The following STARD13 variants were observed in gnomAD, a reference collection of about 807,000 sequenced individuals.
STARD13 encodes the protein stAR-related lipid transfer protein 13.
STARD13 carries 62 observed loss-of-function variants against 106.4 expected under a neutral mutation model. The observed-to-expected ratio is 0.58, with a 90% CI of 0.48 to 0.72. The LOEUF (loss-of-function observed/expected upper bound fraction) is 0.72, where lower values mean the gene tolerates loss of function less well. STARD13 is among the 30% of genes least tolerant of loss of function. The probability of loss-of-function intolerance (pLI) is 0.00; values close to 1 mark genes in which losing one functional copy is unlikely to be tolerated. For synonymous variants in STARD13, 565 were observed against 553.0 expected, an observed-to-expected ratio of 1.02 and a Z score of -0.31; for missense variants, 1,387 against 1,424.0, an observed-to-expected ratio of 0.97 and a Z score of 0.42.
At chr13:33,221,801 A>C (rs1888371178) in intron 1 of STARD13, among the ~76,000 whole-genome samples, 1 of 152,220 alleles carries the variant, frequency 6.6e-6, no homozygotes. Context: ...CCATCAGATG[A>C]ATGGATAAAA....
At chr13:33,220,447 C>T (rs1594124559) in intron 1 of STARD13, among the ~76,000 whole-genome samples, 2 of 152,142 alleles carry the variant, frequency 1.3e-5, no homozygotes, top group African/African-American at 4.8e-5. Flanking sequence ...AATCCCAGCA[C>T]TTTGGGAGGC....
In STARD13 at chr13:33,167,626, A is replaced by C. The variant is rs770122334; in HGVS notation, c.170-4T>G. The C allele has an allele frequency of 8.7e-6, 14 of 1,613,944 alleles. No individual in the cohort carries two copies. Among genetic ancestry groups the C allele is most frequent in the African/African-American group, 1.3e-5 (1 of 74,924 alleles). On this transcript the variant is annotated splice_region_variant and splice_polypyrimidine_tract_variant and intron_variant, in intron 1 of 13. Coordinates refer to ENST00000336934, the MANE Select transcript of STARD13 (RefSeq NM_178006.4). ...CATGCTTCTTTTGCCTCAATTTCTG[A>C]AAAACACAAGAGAGATAAAATTGTG...
chr13:33,118,886 C>G (rs886517352), intron 7 of STARD13, among the ~76,000 whole-genome samples: 5 of 152,186 alleles, frequency 3.3e-5, no homozygotes, highest in Non-Finnish European at 7.4e-5. Context: ...ATTCTTGGCA[C>G]TTACTTTTCT....
chr13:33,305,412 G>T (rs945044760), intron 1 of STARD13, among the ~76,000 whole-genome samples: 8 of 152,182 alleles, frequency 5.3e-5, no homozygotes, highest in Non-Finnish European at 8.8e-5. Flanking sequence ...GTCCTCCACG[G>T]TAACTAGCAG....
intron 4 of STARD13, among the ~76,000 whole-genome samples, chr13:33,134,445 C>T (rs984422933): frequency 1.3e-5 from 2 of 152,114 alleles, no homozygotes; most frequent in South Asian, 2.1e-4. Context: ...TCCTCTAAAG[C>T]GTGTGACTAA....
chr13:33,106,728 G>A (rs748690984), intron 13 of STARD13, 30 bp downstream of exon 13: 3 of 1,571,108 alleles, frequency 1.9e-6, no homozygotes, highest in Non-Finnish European at 2.6e-6. Flanking sequence ...CCCAAGATCT[G>A]AGCCTGCCAT....
the STARD13 span, among the ~76,000 whole-genome samples, chr13:33,502,684 C>T: frequency 3.3e-5 from 5 of 152,070 alleles, no homozygotes; most frequent in Non-Finnish European, 5.9e-5. Context: ...TGATGGATTA[C>T]GTTTATTGAT....
chr13:33,506,294 T>A, the STARD13 span, among the ~76,000 whole-genome samples: 1 of 152,198 alleles, frequency 6.6e-6, no homozygotes, highest in African/African-American at 2.4e-5. Context: ...GTACTTTTTT[T>A]GTGAAGGACC....
intron 1 of STARD13, among the ~76,000 whole-genome samples, chr13:33,223,603 G>A (rs562349484): frequency 9.2e-5 from 14 of 152,196 alleles, no homozygotes; most frequent in Non-Finnish European, 1.8e-4. Flanking sequence ...AGGTTGCAGT[G>A]AGCTGAGATT....
intron 1 of STARD13, chr13:33,278,632 AT>A (rs1891584268): frequency 6.6e-6 from 1 of 152,084 alleles, no homozygotes; most frequent in Non-Finnish European, 1.5e-5. Context: ...TTGGGAGAAA[AT>A]TCTCCCAAAG....
chr13:33,556,258 C>T, the STARD13 span, among the ~76,000 whole-genome samples: 1 of 151,948 alleles, frequency 6.6e-6, no homozygotes, highest in Non-Finnish European at 1.5e-5. Flanking sequence ...TCCCGCCTCC[C>T]TTTTCTTTTC....
the STARD13 span, among the ~76,000 whole-genome samples, chr13:33,369,635 G>C: frequency 6.6e-6 from 1 of 152,026 alleles, no homozygotes; most frequent in Non-Finnish European, 1.5e-5. Flanking sequence ...CTTGTACAAA[G>C]GATCTGAAAG....
At chr13:33,579,962 G>A in the STARD13 span, among the ~76,000 whole-genome samples, 1 of 152,036 alleles carries the variant, frequency 6.6e-6, no homozygotes. Context: ...ATTGCTGATG[G>A]AAACGCAAAA....
chr13:33,409,211 T>C, the STARD13 span, among the ~76,000 whole-genome samples: 1 of 152,186 alleles, frequency 6.6e-6, no homozygotes, highest in Non-Finnish European at 1.5e-5. Context: ...GTACGATTTA[T>C]ATATCACTTA....
At chr13:33,431,436 G>T in the STARD13 span, among the ~76,000 whole-genome samples, 1 of 151,916 alleles carries the variant, frequency 6.6e-6, no homozygotes, top group African/African-American at 2.4e-5. Flanking sequence ...GAAACTTATG[G>T]ATAATTTTAA....
At chr13:33,637,912 A>C in the STARD13 span, among the ~76,000 whole-genome samples, 1 of 152,238 alleles carries the variant, frequency 6.6e-6, no homozygotes, top group African/African-American at 2.4e-5. Context: ...CTGAGTTTTG[A>C]ATTTTAATTT....
chr13:33,565,927 C>A, the STARD13 span, among the ~76,000 whole-genome samples: 1 of 148,660 alleles, frequency 6.7e-6, no homozygotes, highest in African/African-American at 2.5e-5. Flanking sequence ...AGCACTTCTA[C>A]CTATATCTGT....
At chr13:33,417,199 C>T in the STARD13 span, among the ~76,000 whole-genome samples, 1 of 151,988 alleles carries the variant, frequency 6.6e-6, no homozygotes, top group Non-Finnish European at 1.5e-5. Flanking sequence ...ACTGGGATGG[C>T]TATAATAAAA....
At chr13:33,630,986 G>A in the STARD13 span, among the ~76,000 whole-genome samples, 1 of 152,258 alleles carries the variant, frequency 6.6e-6, no homozygotes, top group South Asian at 2.1e-4. Context: ...TTTGAGATAT[G>A]AGCCTGCATT....
Sources: gnomAD v4.1 joint callset for allele counts (sites outside exome capture counted in the v4.1 genomes callset) on GRCh38, gnomAD v4.1.1 for gene constraint, MANE v1.5 for transcripts, NCBI Gene and HGNC (gene_info 2026-07-23, HGNC 2026-07-21) for gene names.